RASA1: variants seen among roughly 807,000 people sequenced by gnomAD.
RASA1 encodes the protein ras GTPase-activating protein 1.
Under a neutral mutation model 132.2 loss-of-function variants are expected in RASA1, and 25 were observed. The ratio of observed to expected loss-of-function variants is 0.19; its 90% confidence interval spans 0.14 to 0.26. The LOEUF (loss-of-function observed/expected upper bound fraction) is 0.26, where lower values mean the gene tolerates loss of function less well. Ranked by LOEUF, RASA1 falls within the 10% of genes least tolerant of loss-of-function variation. The pLI is 1.00. For synonymous variants in RASA1, 477 were observed against 449.9 expected (o/e 1.06, Z -0.76); for missense variants, 964 against 1,299.2 (o/e 0.74, Z 3.97).
At chr5:87,368,371 A>G (rs1760682197) in intron 11 of RASA1, among the ~76,000 whole-genome samples, 1 of 152,068 alleles carries the variant, frequency 6.6e-6, no homozygotes, top group Non-Finnish European at 1.5e-5. Flanking sequence ...TTTAATTATA[A>G]TTACTTGAAA....
At chr5:87,279,555 A>C (rs1169885282) in intron 1 of RASA1, among the ~76,000 whole-genome samples, 1 of 152,096 alleles carries the variant, frequency 6.6e-6, no homozygotes, top group Non-Finnish European at 1.5e-5. Context: ...TGATAGTTGC[A>C]TGTTCACTTT....
rs1157499595 is a variant in RASA1, at chr5:87,371,985, G to GTA, written c.1699-130_1699-129dup. ...TTATTGGTTATTGTTATGAAGTACAGTATAGTCTGAGAATAGAAATGGCAG... is the reference window on the plus strand; with the variant it reads ...TTATTGGTTATTGTTATGAAGTACAGTATATAGTCTGAGAATAGAAATGGCAG... On this transcript the variant is annotated intron_variant, in intron 12 of 24. Transcript: ENST00000274376. 4 of 650,968 alleles carry GTA rather than the reference G, an allele frequency of 6.1e-6. No individual in the cohort carries two copies. In the African/African-American group the frequency reaches 7.4e-5, roughly 12 times the overall value. The allele number at this position is 650,968 out of a possible 1,614,324, so 40.3% of individuals were successfully genotyped here.
rs141085211 is a variant in RASA1 at position 87,336,062 on chromosome 5, C to T, written c.900-1912C>T. Among the ~76,000 whole-genome samples the T allele has an allele frequency of 2.7e-3, 418 of 152,148 alleles. 5 individuals carry two copies. The highest frequency in any genetic ancestry group is 8.3e-3 in the East Asian group (43 of 5,180). On this transcript the variant is annotated intron_variant, in intron 4 of 24. Transcript: ENST00000274376. ...CATTCTTAGGTGAAGCCAGATTTTC[C>T]TCATATGTTTTAAGCAAAAAAATCA...
intron 9 of RASA1, among the ~76,000 whole-genome samples, chr5:87,355,643 C>T (rs1042485031): frequency 3.3e-5 from 5 of 152,176 alleles, no homozygotes; most frequent in Non-Finnish European, 2.9e-5. Flanking sequence ...TTTTGACTTT[C>T]AAATCCTTAG....
chr5:87,286,965 T>TACACCATATATATACATACCATATAC (rs1754604418), intron 1 of RASA1, among the ~76,000 whole-genome samples: 1 of 147,956 alleles, frequency 6.8e-6, no homozygotes, highest in Admixed American at 6.8e-5. Flanking sequence ...ATACCATATA[T>TACACCATATATATACATACCATATAC]ACACCATATA....
At position 87,269,288 on chromosome 5, in the gene RASA1, G is replaced by A. The variant is rs778752048; in HGVS notation, c.539+298G>A. On this transcript the variant is annotated intron_variant, in intron 1 of 24. Coordinates refer to ENST00000274376, the MANE Select transcript of RASA1 (RefSeq NM_002890.3). ...ATAGTTCTGTCCCTTCCAAGTTGAG[G>A]TGGTGTCCCAGAATTTAGTCAAACT... The A allele has an allele frequency of 2.9e-5, 44 of 1,536,314 alleles. No homozygotes were observed. The highest frequency in any genetic ancestry group is 3.6e-5 in the Non-Finnish European group (41 of 1,146,950).
At chr5:87,375,508 G>GTCAGGTGATCCTGA (rs1761265958) in intron 15 of RASA1, among the ~76,000 whole-genome samples, 1 of 152,108 alleles carries the variant, frequency 6.6e-6, no homozygotes, top group African/African-American at 2.4e-5. Context: ...TGATCTGCCG[G>GTCAGGTGATCCTGA]CCTCGGCCTC....
At chr5:87,335,419 GTTTTTTTT>G (rs34986349) in intron 4 of RASA1, among the ~76,000 whole-genome samples, 4 of 72,888 alleles carry the variant, frequency 5.5e-5, no homozygotes, top group Admixed American at 1.9e-4. Flanking sequence ...AAAGAATGAG[GTTTTTTTT>G]TTTTTTTTTT....
intron 1 of RASA1, among the ~76,000 whole-genome samples, chr5:87,299,205 T>C (rs1755252629): frequency 6.6e-6 from 1 of 152,200 alleles, no homozygotes; most frequent in South Asian, 2.1e-4. Context: ...ACTTACATGC[T>C]TAGTGATCAT....
At chr5:87,330,581 CTGTTTA>C (rs1026696513) in intron 1 of RASA1, among the ~76,000 whole-genome samples, 19 of 152,196 alleles carry the variant, frequency 1.2e-4, no homozygotes, top group African/African-American at 4.1e-4. Context: ...AAGCATGTTT[CTGTTTA>C]TATCAGTCCA....
chr5:87,291,591 G>C (rs1473856121), intron 1 of RASA1, among the ~76,000 whole-genome samples: 1 of 152,166 alleles, frequency 6.6e-6, no homozygotes, highest in Non-Finnish European at 1.5e-5. Flanking sequence ...GTGGGACCTG[G>C]TGAGAGGGGT....
At chr5:87,328,274 A>G (rs907972699) in intron 1 of RASA1, among the ~76,000 whole-genome samples, 1 of 152,150 alleles carries the variant, frequency 6.6e-6, no homozygotes, top group Non-Finnish European at 1.5e-5. Context: ...TACCACCAGT[A>G]TGATTCTTAT....
intron 1 of RASA1, among the ~76,000 whole-genome samples, chr5:87,276,404 C>A (rs1288888290): frequency 6.6e-6 from 1 of 152,114 alleles, no homozygotes; most frequent in African/African-American, 2.4e-5. Flanking sequence ...TTATTAGATA[C>A]AACTTATTGA....
chr5:87,324,324 A>G (rs1757050336), intron 1 of RASA1, among the ~76,000 whole-genome samples: 1 of 152,170 alleles, frequency 6.6e-6, no homozygotes, highest in South Asian at 2.1e-4. Context: ...TGATCAGTGC[A>G]TAACATTTCT....
Position 87,376,991 on chromosome 5 carries a change from T to G in RASA1, c.2295T>G (p.Leu765=). 1 of 1,613,804 alleles carries G rather than the reference T, an allele frequency of 6.2e-7. No homozygotes were observed. The highest frequency in any genetic ancestry group is 8.5e-7 in the Non-Finnish European group (1 of 1,179,748). The change falls in exon 17 of 25, where the codon CTT becomes CTG. Residue 765 remains leucine (L), a synonymous_variant. Coordinates refer to ENST00000274376, the MANE Select transcript of RASA1 (RefSeq NM_002890.3). ...ILLRIFLHEK[L]ESLLLCTLND... ...TGAGGATTTTTCTTCACGAAAAGCT[T>G]GAATCGTTGTTGTTATGCACACTAA...
At chr5:87,378,085 C>T (rs902666287) in intron 17 of RASA1, among the ~76,000 whole-genome samples, 30 of 152,066 alleles carry the variant, frequency 2.0e-4, no homozygotes, top group Admixed American at 9.2e-4. Flanking sequence ...ATTTATGGTC[C>T]TAATTTTATC....
At position 87,333,311 on chromosome 5, in the gene RASA1, A is replaced by G. The variant is rs751624251; in HGVS notation, c.873A>G (p.Thr291=). 6.2e-7 allele frequency: 1 copy of G among 1,613,426 alleles called. No individual in the cohort carries two copies. Among genetic ancestry groups the G allele is most frequent in the Admixed American group, 1.7e-5 (1 of 59,990 alleles). ...RRRVRAILPY[T]KVPDTDEISF... is the part of the protein sequence containing the mutation. The stretch of plus-strand genomic sequence containing the variant: ...GTGTACGAGCTATTCTACCTTACAC[A>G]AAAGTACCAGACACTGATGAAATAA... The change falls in exon 4 of 25, where the codon ACA becomes ACG. Residue 291 remains threonine (T), a synonymous_variant. Coordinates refer to ENST00000274376, the MANE Select transcript of RASA1 (RefSeq NM_002890.3).
intron 1 of RASA1, among the ~76,000 whole-genome samples, chr5:87,283,040 A>T (rs1754386425): frequency 6.6e-6 from 1 of 151,926 alleles, no homozygotes; most frequent in South Asian, 2.1e-4. Flanking sequence ...TAAACTATGG[A>T]CACCATGTTT....
At chr5:87,300,347 C>T (rs986963901) in intron 1 of RASA1, among the ~76,000 whole-genome samples, 1 of 152,104 alleles carries the variant, frequency 6.6e-6, no homozygotes, top group East Asian at 1.9e-4. Context: ...ACTGCACTCT[C>T]ACTCGCTTGG....
Sources: allele counts gnomAD v4.1 joint callset (sites outside exome capture counted in the v4.1 genomes callset), GRCh38; gene constraint gnomAD v4.1.1; transcripts MANE v1.5; gene names NCBI Gene and HGNC (gene_info 2026-07-23, HGNC 2026-07-21).